Variants in DAB2IP observed in about 807,000 individuals in gnomAD.
The protein encoded by DAB2IP is disabled homolog 2-interacting protein.
A neutral mutation model predicts 107.2 loss-of-function variants in DAB2IP; 28 were observed. The observed-to-expected ratio is 0.26, with a 90% CI of 0.19 to 0.36. The LOEUF is 0.36. DAB2IP is among the 10% of genes least tolerant of loss of function. The pLI is 1.00. For missense variants in DAB2IP, 1,400 were observed against 1,644.7 expected (o/e 0.85, Z 2.57); for synonymous variants, 755 against 706.4 (o/e 1.07, Z -1.09).
chr9:121,718,319 G>A (rs1000740504), intron 3 of DAB2IP, among the ~76,000 whole-genome samples: 8 of 152,368 alleles, frequency 5.3e-5, no homozygotes, highest in East Asian at 1.9e-4. Context: ...CAAGGGAGGC[G>A]TGGGCGGGGG....
rs563552267 is a variant in DAB2IP at position 121,710,536 on chromosome 9, C to A, written c.362+11078C>A. On this transcript the variant is annotated intron_variant, in intron 3 of 15. Transcript: ENST00000408936. ...GCTCCCACACCTCTTTTCACCTGGG[C>A]AGAGCTGATGAGCTGTGGCTGCGTT... 3.3e-5 allele frequency among the ~76,000 whole-genome samples: 5 copies of A among 152,310 alleles called. No homozygotes were observed. The East Asian group carries it at 9.6e-4, about 29-fold the overall frequency.
At chr9:121,657,793 C>G (rs1481143234) in intron 1 of DAB2IP, among the ~76,000 whole-genome samples, 1 of 152,130 alleles carries the variant, frequency 6.6e-6, no homozygotes, top group African/African-American at 2.4e-5. Flanking sequence ...TTACTAAGAC[C>G]TGGGGGTACA....
chr9:121,730,487 T>TC (rs1831464434), intron 3 of DAB2IP, among the ~76,000 whole-genome samples: 4 of 152,200 alleles, frequency 2.6e-5, no homozygotes, highest in African/African-American at 4.8e-5. Flanking sequence ...GAATAGAACC[T>TC]ATCACCCTCT....
rs930326581 is a variant in DAB2IP at position 121,774,548 on chromosome 9, TC to T, written c.3120+139del. 6.7e-6 allele frequency: 7 copies of T among 1,037,526 alleles called. No individual in the cohort carries two copies. In the Admixed American group the frequency reaches 1.6e-4, roughly 23 times the overall value. The allele number at this position is 1,037,526 out of a possible 1,614,324, so 64.3% of individuals were successfully genotyped here. A position where few individuals can be genotyped will look rare whatever the true frequency, so the allele number is the denominator to read the frequency against. ...GGGCCCGTCACCTCTGAGCCCCTGTTCCCTGTGAGAATAGCAGTCAGTGGGG... is the reference window on the plus strand; with the variant it reads ...GGGCCCGTCACCTCTGAGCCCCTGTTCCTGTGAGAATAGCAGTCAGTGGGG... On this transcript the variant is annotated intron_variant, in intron 13 of 15. Coordinates refer to ENST00000408936, the Ensembl canonical transcript of DAB2IP.
intron 1 of DAB2IP, among the ~76,000 whole-genome samples, chr9:121,578,360 C>G (rs1244071858): frequency 6.6e-6 from 1 of 152,000 alleles, no homozygotes; most frequent in Non-Finnish European, 1.5e-5. Context: ...CCCTGCTCCC[C>G]TCTTCCCTCC....
intron 1 of DAB2IP, among the ~76,000 whole-genome samples, chr9:121,612,341 A>G (rs908527863): frequency 3.9e-5 from 6 of 151,980 alleles, no homozygotes; most frequent in African/African-American, 1.2e-4. Flanking sequence ...AAAAATTATT[A>G]TTTTTAATGT....
intron 3 of DAB2IP, among the ~76,000 whole-genome samples, chr9:121,704,474 T>C (rs1029097274): frequency 6.6e-6 from 1 of 152,248 alleles, no homozygotes; most frequent in Non-Finnish European, 1.5e-5. Flanking sequence ...CTTTTGAGAC[T>C]TGTCTATTCC....
chr9:121,758,865 C>G, intron 4 of DAB2IP, 33 bp from the exon 5 acceptor site: 2 of 1,597,390 alleles, frequency 1.3e-6, no homozygotes, highest in Non-Finnish European at 1.7e-6. Flanking sequence ...GTGGTCCCTT[C>G]CCTCATAACA....
chr9:121,741,293 C>G (rs1029984017), intron 3 of DAB2IP, among the ~76,000 whole-genome samples: 2 of 152,014 alleles, frequency 1.3e-5, no homozygotes, highest in Non-Finnish European at 2.9e-5. Flanking sequence ...ATGGCTGATG[C>G]AGAACTCCCC....
At chr9:121,766,974 A>C (rs185245296) in intron 9 of DAB2IP, among the ~76,000 whole-genome samples, 2 of 152,246 alleles carry the variant, frequency 1.3e-5, no homozygotes, top group Admixed American at 1.3e-4. Flanking sequence ...GACATGAGAC[A>C]TTTTTTTCCT....
intron 3 of DAB2IP, among the ~76,000 whole-genome samples, chr9:121,722,188 A>G (rs981183686): frequency 6.6e-6 from 1 of 152,190 alleles, no homozygotes; most frequent in Non-Finnish European, 1.5e-5. Flanking sequence ...CCATGCATGC[A>G]TGTGACCTCC....
intron 1 of DAB2IP, among the ~76,000 whole-genome samples, chr9:121,653,867 C>G (rs935806244): frequency 1.6e-4 from 24 of 152,162 alleles, no homozygotes; most frequent in African/African-American, 5.8e-4. Context: ...GAGCTCACGG[C>G]CTGCAGAGCG....
At chr9:121,741,671 T>C (rs1832357994) in intron 3 of DAB2IP, among the ~76,000 whole-genome samples, 2 of 151,910 alleles carry the variant, frequency 1.3e-5, no homozygotes, top group South Asian at 4.2e-4. Flanking sequence ...AGGGTCCTTT[T>C]ATAGAAAGAA....
At chr9:121,641,695 T>C (rs1337547685) in intron 1 of DAB2IP, among the ~76,000 whole-genome samples, 1 of 152,146 alleles carries the variant, frequency 6.6e-6, no homozygotes, top group Non-Finnish European at 1.5e-5. Context: ...AAAAATAAAC[T>C]TTCCAGCCTG....
At chr9:121,624,101 C>G (rs1448221021) in intron 1 of DAB2IP, among the ~76,000 whole-genome samples, 2 of 152,240 alleles carry the variant, frequency 1.3e-5, no homozygotes, top group African/African-American at 4.8e-5. Flanking sequence ...CACTCCTCTC[C>G]TAGTGCCACC....
At chr9:121,597,709 G>C (rs1830559503) in intron 1 of DAB2IP, among the ~76,000 whole-genome samples, 1 of 152,200 alleles carries the variant, frequency 6.6e-6, no homozygotes, top group Admixed American at 6.5e-5. Context: ...AGATAAAACT[G>C]AGGCAGAAGG....
chr9:121,770,500 A>G lies in DAB2IP; in HGVS notation c.1900-46A>G, dbSNP rs768152140. 3.1e-6 allele frequency: 5 copies of G among 1,590,966 alleles called. No homozygotes were observed. The East Asian group carries it at 6.8e-5, about 21-fold the overall frequency. On this transcript the variant is annotated intron_variant, in intron 10 of 15. Transcript: ENST00000408936. ...TGGCTGCAGCACATACAGCCTACCC[A>G]TGTGGTCCCAGGAGGTCACACCTGC...
At chr9:121,783,857 C>G in exon 16 of DAB2IP, 1 of 457,278 alleles carries the variant, frequency 2.2e-6, no homozygotes, top group South Asian at 2.8e-5. Flanking sequence ...GAGCTTGGGT[C>G]TCTCTCGGCC....
At chr9:121,750,408 C>T (rs938794979) in intron 3 of DAB2IP, among the ~76,000 whole-genome samples, 1 of 152,208 alleles carries the variant, frequency 6.6e-6, no homozygotes, top group African/African-American at 2.4e-5. Flanking sequence ...CCCTGGCAGC[C>T]CTAGCCATGC....
Sources: allele counts gnomAD v4.1 joint callset (sites outside exome capture counted in the v4.1 genomes callset), GRCh38; gene constraint gnomAD v4.1.1; transcripts MANE v1.5; gene names NCBI Gene and HGNC (gene_info 2026-07-23, HGNC 2026-07-21).